Variants in NPAS3 observed in about 807,000 individuals in gnomAD.
The protein encoded by NPAS3 is neuronal PAS domain protein 3, also known as neuronal PAS domain-containing protein 3.
Under a neutral mutation model 73.1 loss-of-function variants are expected in NPAS3, and 14 were observed. The observed-to-expected ratio is 0.19, with a 90% CI of 0.13 to 0.30. The LOEUF is 0.30. NPAS3 is among the 10% of genes least tolerant of loss of function. The pLI is 1.00. For missense variants in NPAS3, 1,096 were observed against 1,250.0 expected, an observed-to-expected ratio of 0.88 and a Z score of 1.86; for synonymous variants, 620 against 541.5, an observed-to-expected ratio of 1.14 and a Z score of -2.01.
chr14:33,595,441 T>A (rs1958548), intron 5 of NPAS3, among the ~76,000 whole-genome samples: 46,866 of 152,012 alleles, frequency 0.31, 7,434 homozygotes, highest in South Asian at 0.45. Flanking sequence ...AAATTATATA[T>A]TAAGGGCTTC....
intron 1 of NPAS3, among the ~76,000 whole-genome samples, chr14:33,031,515 C>T (rs959526375): frequency 2.6e-5 from 4 of 152,044 alleles, no homozygotes; most frequent in Non-Finnish European, 5.9e-5. Context: ...TTTTTAGAGA[C>T]AGGGTTTCAC....
chr14:33,184,994 T>C (rs1830160384), intron 2 of NPAS3, among the ~76,000 whole-genome samples: 1 of 152,150 alleles, frequency 6.6e-6, no homozygotes. Context: ...TGTTATCCAG[T>C]TGGCTTTAAG....
intron 3 of NPAS3, among the ~76,000 whole-genome samples, chr14:33,299,441 C>T (rs1473004219): frequency 1.3e-5 from 2 of 152,036 alleles, no homozygotes; most frequent in African/African-American, 2.4e-5. Context: ...GACACAGCTT[C>T]GGTGGTATTG....
chr14:33,167,884 C>T (rs1280249123), intron 2 of NPAS3, among the ~76,000 whole-genome samples: 2 of 152,140 alleles, frequency 1.3e-5, no homozygotes, highest in Non-Finnish European at 2.9e-5. Context: ...TAACGAAAAT[C>T]CTTGCTTAGA....
At chr14:33,344,731 T>G (rs1351659197) in intron 3 of NPAS3, among the ~76,000 whole-genome samples, 1 of 152,212 alleles carries the variant, frequency 6.6e-6, no homozygotes, top group Non-Finnish European at 1.5e-5. Context: ...CTCTTTATCA[T>G]TGAAAAAATT....
chr14:33,616,574 T>C (rs1016355514), intron 5 of NPAS3, among the ~76,000 whole-genome samples: 9 of 152,240 alleles, frequency 5.9e-5, no homozygotes, highest in Admixed American at 2.6e-4. Flanking sequence ...GCGGCTGGGA[T>C]AGAACTGAAC....
rs796364920 is a variant in NPAS3 at position 33,168,370 on chromosome 14, G to T, written c.141-46812G>T. 1.6e-4 allele frequency among the ~76,000 whole-genome samples: 25 copies of T among 152,232 alleles called. 1 individual carries two copies. The highest frequency in any genetic ancestry group is 6.0e-4 in the African/African-American group (25 of 41,556). Reference sequence around the variant, plus strand: ...CTTGAGGAGCAGAGAAGGTCACAAGGAAAACAAAGACACCAGACATCTGAC... The same window carrying T: ...CTTGAGGAGCAGAGAAGGTCACAAGTAAAACAAAGACACCAGACATCTGAC... On this transcript the variant is annotated intron_variant, in intron 2 of 11. Transcript: ENST00000356141.
At chr14:33,654,454 C>T (rs1348787840) in intron 5 of NPAS3, among the ~76,000 whole-genome samples, 1 of 152,030 alleles carries the variant, frequency 6.6e-6, no homozygotes. Flanking sequence ...CTGGGACCAC[C>T]AGGTAGATAT....
chr14:33,683,917 C>G (rs928344016), intron 6 of NPAS3, among the ~76,000 whole-genome samples: 1 of 152,184 alleles, frequency 6.6e-6, no homozygotes, highest in Non-Finnish European at 1.5e-5. Flanking sequence ...CCACTAATTA[C>G]AGGAGTTAAT....
At chr14:33,563,815 C>A (rs1228632304) in intron 5 of NPAS3, among the ~76,000 whole-genome samples, 4 of 152,072 alleles carry the variant, frequency 2.6e-5, no homozygotes, top group Non-Finnish European at 5.9e-5. Flanking sequence ...ATGGAACAGG[C>A]AGAAGTGAAA....
At position 33,342,522 on chromosome 14, in the gene NPAS3, C is replaced by T. The variant is rs531210507; in HGVS notation, c.386-24664C>T. On this transcript the variant is annotated intron_variant, in intron 3 of 11. Coordinates refer to ENST00000356141, the Ensembl canonical transcript of NPAS3. ...GCCTTTCCACATGGCAACCTGCTGG[C>T]TTTTATTTCTCTGCTCTGCAGCAGG... 2.0e-5 allele frequency among the ~76,000 whole-genome samples: 3 copies of T among 152,328 alleles called. No homozygotes were observed. The South Asian group carries it at 6.2e-4, about 32-fold the overall frequency.
At chr14:33,105,138 T>G (rs1160369302) in intron 2 of NPAS3, among the ~76,000 whole-genome samples, 1 of 152,184 alleles carries the variant, frequency 6.6e-6, no homozygotes, top group Non-Finnish European at 1.5e-5. Context: ...TCACCAAACA[T>G]ACATCACACA....
chr14:33,440,534 CTT>C (rs1355207380), intron 4 of NPAS3, among the ~76,000 whole-genome samples: 1 of 152,164 alleles, frequency 6.6e-6, no homozygotes, highest in Non-Finnish European at 1.5e-5. Context: ...ATAATTCCAA[CTT>C]TTTATCATTA....
intron 2 of NPAS3, among the ~76,000 whole-genome samples, chr14:33,163,521 G>A (rs987938056): frequency 3.3e-5 from 5 of 151,772 alleles, no homozygotes; most frequent in Admixed American, 2.6e-4. Context: ...CTTGTTAAAC[G>A]TTTTAGCTAT....
At chr14:33,688,947 A>G (rs182116105) in intron 6 of NPAS3, among the ~76,000 whole-genome samples, 5 of 152,210 alleles carry the variant, frequency 3.3e-5, no homozygotes, top group African/African-American at 1.2e-4. Flanking sequence ...GTTAAATTGC[A>G]CTGCCTATAT....
chr14:33,239,438 T>G (rs986185008), intron 3 of NPAS3, among the ~76,000 whole-genome samples: 1 of 151,806 alleles, frequency 6.6e-6, no homozygotes, highest in African/African-American at 2.4e-5. Flanking sequence ...AACAAAACAG[T>G]TTTTTCAAGG....
intron 6 of NPAS3, among the ~76,000 whole-genome samples, chr14:33,690,212 G>A (rs546671136): frequency 3.9e-5 from 6 of 152,210 alleles, no homozygotes; most frequent in South Asian, 4.2e-4. Context: ...GGCGGTACTC[G>A]GTATTGGTTT....
chr14:33,495,600 G>A (rs2052139692), intron 4 of NPAS3, among the ~76,000 whole-genome samples: 1 of 152,036 alleles, frequency 6.6e-6, no homozygotes, highest in African/African-American at 2.4e-5. Context: ...ATTATTGCGT[G>A]GGAGTCTAAG....
At chr14:33,706,274 AG>A (rs1255331050) in intron 6 of NPAS3, among the ~76,000 whole-genome samples, 1 of 152,218 alleles carries the variant, frequency 6.6e-6, no homozygotes, top group Non-Finnish European at 1.5e-5. Flanking sequence ...AGTGGTGGAG[AG>A]GGAGGATGGA....
Sources: gnomAD v4.1 joint callset for allele counts (sites outside exome capture counted in the v4.1 genomes callset) on GRCh38, gnomAD v4.1.1 for gene constraint, MANE v1.5 for transcripts, NCBI Gene and HGNC (gene_info 2026-07-23, HGNC 2026-07-21) for gene names.